The following RBPJ variants were observed in gnomAD, a reference collection of about 807,000 sequenced individuals.
RBPJ encodes recombining binding protein suppressor of hairless.
A neutral mutation model predicts 67.8 loss-of-function variants in RBPJ; 9 were observed. The ratio of observed to expected loss-of-function variants is 0.13; its 90% CI spans 0.08 to 0.23. RBPJ has a LOEUF of 0.23. RBPJ is among the 10% of genes least tolerant of loss of function. RBPJ has a pLI of 1.00. For missense variants in RBPJ, 305 were observed against 595.6 expected, an observed-to-expected ratio of 0.51 and a Z score of 5.08; for synonymous variants, 198 against 203.3, an observed-to-expected ratio of 0.97 and a Z score of 0.22.
chr4:26,208,526 G>C (rs980897498), intron 1 of RBPJ, among the ~76,000 whole-genome samples: 1 of 152,178 alleles, frequency 6.6e-6, no homozygotes, highest in South Asian at 2.1e-4. Flanking sequence ...TATTTCAAGA[G>C]TGATAATGAC....
chr4:26,203,609 C>T (rs1718067391), intron 1 of RBPJ, among the ~76,000 whole-genome samples: 1 of 152,178 alleles, frequency 6.6e-6, no homozygotes, highest in Non-Finnish European at 1.5e-5. Flanking sequence ...CAGGAACTGG[C>T]TCAGACCAAA....
intron 1 of RBPJ, among the ~76,000 whole-genome samples, chr4:26,368,698 C>T (rs1168513166): frequency 6.6e-6 from 1 of 152,170 alleles, no homozygotes; most frequent in Admixed American, 6.5e-5. Flanking sequence ...TTAAAAATGC[C>T]TGTAGAAGTG....
intron 1 of RBPJ, among the ~76,000 whole-genome samples, chr4:26,299,791 G>A (rs1722013112): frequency 6.7e-6 from 1 of 148,186 alleles, no homozygotes. Flanking sequence ...CGATTCTCCT[G>A]CCTGAGCCTT....
chr4:26,415,556 T>C lies in RBPJ; in HGVS notation c.237T>C (p.Cys79=), dbSNP rs777208596. The C allele has an allele frequency of 3.1e-6, 5 of 1,613,472 alleles. No homozygotes were observed. In the South Asian group the frequency reaches 5.5e-5, roughly 18 times the overall value. Reference sequence around the variant, plus strand: ...AAGAACAAATGGAACGCGATGGTTGTTCTGAACAAGAGTCTCAACCGTGTG... The same window carrying C: ...AAGAACAAATGGAACGCGATGGTTGCTCTGAACAAGAGTCTCAACCGTGTG... ...KKKEQMERDG[C]SEQESQPCAF... Residue 79 remains cysteine (C), a synonymous_variant, in exon 4 of 11, where the codon TGT becomes TGC. Coordinates refer to ENST00000355476, the MANE Select transcript of RBPJ (RefSeq NM_015874.6).
chr4:26,227,022 A>G (rs1252204050), intron 1 of RBPJ, among the ~76,000 whole-genome samples: 1 of 152,182 alleles, frequency 6.6e-6, no homozygotes, highest in Non-Finnish European at 1.5e-5. Flanking sequence ...TATGACTCCC[A>G]GGATATTCAC....
intron 1 of RBPJ, among the ~76,000 whole-genome samples, chr4:26,312,669 T>C (rs1722470260): frequency 6.6e-6 from 1 of 152,224 alleles, no homozygotes; most frequent in Admixed American, 6.5e-5. Flanking sequence ...TAGGTCTTCC[T>C]TCATTGTACC....
intron 1 of RBPJ, among the ~76,000 whole-genome samples, chr4:26,257,351 C>T (rs59370290): frequency 0.1 from 15,548 of 152,268 alleles, 1,068 homozygotes; most frequent in East Asian, 0.33. Context: ...GTGGAGTCGC[C>T]GGGCACGGCG....
the RBPJ span, among the ~76,000 whole-genome samples, chr4:26,106,371 C>T: frequency 5.9e-5 from 9 of 152,200 alleles, no homozygotes; most frequent in African/African-American, 2.2e-4. Context: ...AGGCAAACAC[C>T]ACTACGGCAG....
intron 1 of RBPJ, among the ~76,000 whole-genome samples, chr4:26,163,823 C>T (rs1396073665): frequency 6.6e-6 from 1 of 152,220 alleles, no homozygotes; most frequent in East Asian, 1.9e-4. Context: ...TTAGATCACT[C>T]AGCAGATGAT....
chr4:26,124,458 A>ATATATG, the RBPJ span, among the ~76,000 whole-genome samples: 1 of 105,726 alleles, frequency 9.5e-6, no homozygotes, highest in Admixed American at 1.0e-4. Flanking sequence ...ATATATATAT[A>ATATATG]TATACCAGTT....
chr4:26,265,592 GTAGT>G (rs1720681655), intron 1 of RBPJ, among the ~76,000 whole-genome samples: 1 of 152,034 alleles, frequency 6.6e-6, no homozygotes, highest in African/African-American at 2.4e-5. Context: ...TTCATCTCTG[GTAGT>G]TAATCATTCC....
At chr4:26,199,357 C>T (rs551041425) in intron 1 of RBPJ, among the ~76,000 whole-genome samples, 4 of 152,230 alleles carry the variant, frequency 2.6e-5, no homozygotes, top group South Asian at 4.1e-4. Context: ...GGCACTTGAA[C>T]CCGGGAGGTG....
intron 1 of RBPJ, among the ~76,000 whole-genome samples, chr4:26,173,771 C>T (rs970502711): frequency 1.2e-4 from 19 of 152,206 alleles, no homozygotes; most frequent in Admixed American, 3.9e-4. Flanking sequence ...CATGTGTATA[C>T]TCTGCATCTC....
intron 1 of RBPJ, among the ~76,000 whole-genome samples, chr4:26,247,621 G>T (rs945582233): frequency 1.3e-5 from 2 of 151,878 alleles, no homozygotes; most frequent in Admixed American, 1.3e-4. Context: ...CCTTGGTCAG[G>T]CTGGTCTCGA....
At chr4:26,315,035 C>T (rs1315673872), upstream of RBPJ, among the ~76,000 whole-genome samples, 1 of 148,752 alleles carries the variant, frequency 6.7e-6, no homozygotes, top group Non-Finnish European at 1.5e-5. Flanking sequence ...ATCCCAGCTA[C>T]TCAGGAGGCT....
At chr4:26,228,510 C>T (rs567396028) in intron 1 of RBPJ, among the ~76,000 whole-genome samples, 187 of 152,240 alleles carry the variant, frequency 1.2e-3, no homozygotes, top group African/African-American at 3.9e-3. Flanking sequence ...CTTCCAATTC[C>T]GATTTCATTC....
intron 1 of RBPJ, among the ~76,000 whole-genome samples, chr4:26,358,492 A>C (rs1174587468): frequency 6.6e-6 from 1 of 151,756 alleles, no homozygotes; most frequent in Non-Finnish European, 1.5e-5. Flanking sequence ...TAGTCCACTC[A>C]GTCCAGGTGC....
At chr4:26,281,288 G>T (rs944263516) in intron 1 of RBPJ, among the ~76,000 whole-genome samples, 2 of 151,900 alleles carry the variant, frequency 1.3e-5, no homozygotes, top group African/African-American at 4.8e-5. Context: ...TTGTTTGTTT[G>T]TTTTTTTGAG....
Position 26,420,708 on chromosome 4 carries a change from C to A in RBPJ, c.479C>A (p.Ser160Ter). 6.2e-7 allele frequency: 1 copy of A among 1,611,570 alleles called. No homozygotes were observed. Among genetic ancestry groups the A allele is most frequent in the South Asian group, 1.1e-5 (1 of 90,352 alleles). Residue 160 changes from serine (S) to a stop codon, truncating the protein, a stop_gained, in exon 5 of 11, where the codon TCA becomes TAA. Transcript: ENST00000355476. LOFTEE classifies it high-confidence loss of function. The stretch of plus-strand genomic sequence containing the variant: ...TCCAAACCTTCCAAAAAGAAGCAGT[C>A]ATTGAAAAATGCTGACTGTATGTAT... ...VISKPSKKKQ[S>*]LKNADLCIAS...
Sources: gnomAD v4.1 joint callset for allele counts (sites outside exome capture counted in the v4.1 genomes callset) on GRCh38, gnomAD v4.1.1 for gene constraint, MANE v1.5 for transcripts, NCBI Gene and HGNC (gene_info 2026-07-23, HGNC 2026-07-21) for gene names.